Variants in CABYR observed in about 807,000 individuals in gnomAD.
CABYR encodes calcium binding tyrosine phosphorylation regulated.
CABYR carries 31 observed loss-of-function variants against 36.1 expected under a neutral mutation model. The observed-to-expected ratio is 0.86, with a 90% CI of 0.64 to 1.16. The LOEUF (loss-of-function observed/expected upper bound fraction) is 1.16, where lower values mean the gene tolerates loss of function less well. Among genes scored for constraint, CABYR ranks in the 50% most tolerant of loss-of-function variants. The probability of loss-of-function intolerance (pLI) is 0.00; values close to 1 mark genes in which losing one functional copy is unlikely to be tolerated. For synonymous variants in CABYR, 146 were observed against 160.7 expected, an observed-to-expected ratio of 0.91 and a Z score of 0.69; for missense variants, 429 against 455.8, an observed-to-expected ratio of 0.94 and a Z score of 0.53.
At chr18:24,157,029 T>C (rs1381467059) in intron 4 of CABYR, 14 of 1,539,196 alleles carry the variant, frequency 9.1e-6, no homozygotes, top group African/African-American at 8.2e-5. Flanking sequence ...CCATTACAAA[T>C]TGCATTTCAG....
At chr18:24,161,383 G>T in intron 5 of CABYR, 133 bp from the exon 6 acceptor site, 1 of 605,534 alleles carries the variant, frequency 1.7e-6, no homozygotes. Context: ...CAGTGCAAAA[G>T]CCCATAGGTA....
chr18:24,154,723 T>C (rs1230069562), intron 3 of CABYR, among the ~76,000 whole-genome samples: 4 of 152,232 alleles, frequency 2.6e-5, no homozygotes, highest in African/African-American at 4.8e-5. Context: ...TGAAAACTTT[T>C]GATGAGTTAA....
At position 24,156,429 on chromosome 18, in the gene CABYR, G is replaced by A. The variant is rs1408275032; in HGVS notation, c.541+387G>A. 6 of 1,613,954 alleles carry A rather than the reference G, an allele frequency of 3.7e-6. No individual in the cohort carries two copies. The highest frequency in any genetic ancestry group is 4.5e-5 in the East Asian group (2 of 44,896). ...TGTGACTGAAGGAGTTGTTTATATCGAGCAACTGCCAGAACAAATAGTTAT... is the reference window on the plus strand; with the variant it reads ...TGTGACTGAAGGAGTTGTTTATATCAAGCAACTGCCAGAACAAATAGTTAT... On this transcript the variant is annotated intron_variant, in intron 4 of 5. Coordinates refer to ENST00000399496, the MANE Select transcript of CABYR (RefSeq NM_153769.3).
At chr18:24,152,664 T>G (rs2085671910) in intron 3 of CABYR, 1 of 152,174 alleles carries the variant, frequency 6.6e-6, no homozygotes, top group Admixed American at 6.5e-5. Flanking sequence ...TCAGGTACCA[T>G]GAACCTGTGA....
intron 3 of CABYR, among the ~76,000 whole-genome samples, chr18:24,149,126 A>C (rs1352341304): frequency 6.6e-6 from 1 of 151,842 alleles, no homozygotes; most frequent in Non-Finnish European, 1.5e-5. Context: ...GTGGACACAA[A>C]GGTTCTCCAA....
At chr18:24,160,158 T>A in intron 5 of CABYR, 89 bp downstream of exon 5, 1 of 949,764 alleles carries the variant, frequency 1.1e-6, no homozygotes, top group Non-Finnish European at 1.6e-6. Context: ...TTTAGATATT[T>A]AAAAACAATT....
intron 1 of CABYR, among the ~76,000 whole-genome samples, chr18:24,141,814 T>C (rs1020255640): frequency 1.8e-4 from 28 of 152,076 alleles, no homozygotes; most frequent in Admixed American, 1.4e-3. Flanking sequence ...CTGATACCAC[T>C]TAAAAGGCAG....
intron 1 of CABYR, among the ~76,000 whole-genome samples, chr18:24,141,299 G>T (rs1229472710): frequency 6.6e-6 from 1 of 152,184 alleles, no homozygotes; most frequent in Non-Finnish European, 1.5e-5. Flanking sequence ...TAGAAGCTGT[G>T]CCCTTCTATA....
intron 3 of CABYR, among the ~76,000 whole-genome samples, chr18:24,155,488 T>A (rs1174762501): frequency 6.6e-6 from 1 of 152,170 alleles, no homozygotes; most frequent in Non-Finnish European, 1.5e-5. Context: ...TATTGCTTTT[T>A]TTTTTGGTGG....
chr18:24,156,982 A>G (rs1278487900), intron 4 of CABYR: 28 of 1,604,476 alleles, frequency 1.7e-5, no homozygotes, highest in Non-Finnish European at 2.4e-5. Flanking sequence ...ACAGCTGAAT[A>G]AGGTTTGATG....
chr18:24,145,664 G>A (rs2085442888), intron 3 of CABYR, among the ~76,000 whole-genome samples: 1 of 152,174 alleles, frequency 6.6e-6, no homozygotes, highest in African/African-American at 2.4e-5. Context: ...GCAGAAAAGA[G>A]CTATTGGGAG....
At chr18:24,155,127 CAACAAAGATGAAAT>C (rs2085743368) in intron 3 of CABYR, among the ~76,000 whole-genome samples, 1 of 152,030 alleles carries the variant, frequency 6.6e-6, no homozygotes, top group African/African-American at 2.4e-5. Context: ...ATTACTATAC[CAACAAAGATGAAAT>C]AATTTATTGC....
chr18:24,156,666 G>A lies in CABYR; in HGVS notation c.541+624G>A, dbSNP rs1477592291. ...GGCAGAAGCAACAGCTCTGCTCTCT[G>A]ACACATCTTTGAAAGGTCAGCCTGA... On this transcript the variant is annotated intron_variant, in intron 4 of 5. Coordinates refer to ENST00000399496, the MANE Select transcript of CABYR (RefSeq NM_153769.3). The A allele has an allele frequency of 5.6e-6, 9 of 1,614,140 alleles. No individual in the cohort carries two copies. The highest frequency in any genetic ancestry group is 7.6e-6 in the Non-Finnish European group (9 of 1,180,024).
At chr18:24,153,384 C>T (rs2145874941) in intron 3 of CABYR, among the ~76,000 whole-genome samples, 1 of 152,280 alleles carries the variant, frequency 6.6e-6, no homozygotes, top group Admixed American at 6.5e-5. Flanking sequence ...TTCAGCCCTG[C>T]CTCCATCTTT....
chr18:24,151,306 A>T (rs570361051), intron 3 of CABYR, among the ~76,000 whole-genome samples: 1 of 152,356 alleles, frequency 6.6e-6, no homozygotes, highest in Non-Finnish European at 1.5e-5. Flanking sequence ...CTTTTTTACA[A>T]GAAGGAATGC....
chr18:24,140,800 CCTT>C (rs2085302113), intron 1 of CABYR, among the ~76,000 whole-genome samples: 1 of 149,046 alleles, frequency 6.7e-6, no homozygotes, highest in Admixed American at 6.9e-5. Context: ...GCAATGTTTT[CCTT>C]TCTGTGCCTC....
chr18:24,151,099 A>C (rs2085619774), intron 3 of CABYR, among the ~76,000 whole-genome samples: 1 of 152,054 alleles, frequency 6.6e-6, no homozygotes, highest in South Asian at 2.1e-4. Context: ...TCCATGCCAG[A>C]ATATGTCCTT....
chr18:24,159,506 A>G lies in CABYR; in HGVS notation c.576A>G (p.Pro192=), dbSNP rs766859437. 4 of 1,613,962 alleles carry G rather than the reference A, an allele frequency of 2.5e-6. No individual in the cohort carries two copies. The South Asian group carries it at 3.3e-5, about 13-fold the overall frequency. The change falls in exon 5 of 6, where the codon CCA becomes CCG. Residue 192 remains proline, a synonymous_variant. Coordinates refer to ENST00000399496, the MANE Select transcript of CABYR (RefSeq NM_153769.3). ...MATSERGQPP[P]CSNMWTLYCL... ...CAAGTGAACGAGGACAACCACCACC[A>G]TGTTCTAACATGTGGACCCTTTATT...
chr18:24,150,718 GACTTTAAGCACTC>G, intron 3 of CABYR: 2 of 255,800 alleles, frequency 7.8e-6, no homozygotes. Flanking sequence ...ACATATTCCT[GACTTTAAGCACTC>G]TCTTTGAGCT....
Sources: allele counts gnomAD v4.1 joint callset (sites outside exome capture counted in the v4.1 genomes callset), GRCh38; gene constraint gnomAD v4.1.1; transcripts MANE v1.5; gene names NCBI Gene and HGNC (gene_info 2026-07-23, HGNC 2026-07-21).